The following WFDC8 variants were observed in gnomAD, a reference collection of about 807,000 sequenced individuals.
WFDC8 encodes the protein WAP four-disulfide core domain protein 8.
WFDC8 carries 24 observed loss-of-function variants against 27.0 expected under a neutral mutation model. The ratio of observed to expected loss-of-function variants is 0.89; its 90% CI spans 0.64 to 1.25. WFDC8 has a LOEUF of 1.25. Among genes scored for constraint, WFDC8 ranks in the 50% most tolerant of loss-of-function variants. WFDC8 has a pLI of 0.00. For missense variants in WFDC8, 287 were observed against 295.9 expected, an observed-to-expected ratio of 0.97 and a Z score of 0.22; for synonymous variants, 106 against 99.7, an observed-to-expected ratio of 1.06 and a Z score of -0.38.
intron 1 of WFDC8, among the ~76,000 whole-genome samples, chr20:45,569,047 C>T (rs933419418): frequency 1.3e-5 from 2 of 152,198 alleles, no homozygotes; most frequent in African/African-American, 4.8e-5. Flanking sequence ...TTTATAGTCA[C>T]ATCAGCCTTT....
At chr20:45,579,143 A>G in intron 1 of WFDC8, 79 bp downstream of exon 1, 1 of 1,448,364 alleles carries the variant, frequency 6.9e-7, no homozygotes, top group Non-Finnish European at 9.7e-7. Context: ...GACCACTCTA[A>G]CTTCTATGTA....
intron 2 of WFDC8, 112 bp downstream of exon 2, chr20:45,561,998 C>T: frequency 1.0e-6 from 1 of 978,882 alleles, no homozygotes; most frequent in South Asian, 1.6e-5. Flanking sequence ...TTCTGTGGCC[C>T]CAAATCCACA....
chr20:45,568,878 T>C, intron 1 of WFDC8: 1 of 273,350 alleles, frequency 3.7e-6, no homozygotes, highest in Non-Finnish European at 7.6e-6. Context: ...ATCCATTGTA[T>C]ATCTAGAATT....
At chr20:45,569,760 C>G (rs1272978359) in intron 1 of WFDC8, among the ~76,000 whole-genome samples, 1 of 152,008 alleles carries the variant, frequency 6.6e-6, no homozygotes, top group Non-Finnish European at 1.5e-5. Flanking sequence ...TTCCCCTTCA[C>G]AATAGCAAAG....
intron 4 of WFDC8, among the ~76,000 whole-genome samples, chr20:45,554,963 A>T (rs572091937): frequency 3.3e-5 from 5 of 152,324 alleles, no homozygotes; most frequent in Admixed American, 6.5e-5. Context: ...ACAGTTGTGA[A>T]GATCACTGGT....
intron 1 of WFDC8, among the ~76,000 whole-genome samples, chr20:45,562,851 T>C (rs17433698): frequency 0.15 from 23,334 of 152,234 alleles, 2,334 homozygotes; most frequent in Non-Finnish European, 0.22. Flanking sequence ...ATGATCCTTA[T>C]GTATTTTTTA....
At chr20:45,576,000 C>A (rs940683738) in intron 1 of WFDC8, among the ~76,000 whole-genome samples, 2 of 151,390 alleles carry the variant, frequency 1.3e-5, no homozygotes, top group Non-Finnish European at 3.0e-5. Context: ...GCCCTAAGTT[C>A]AGGCTGAGTA....
intron 1 of WFDC8, chr20:45,567,917 C>T (rs1434042451): frequency 5.2e-6 from 1 of 193,368 alleles, no homozygotes; most frequent in Non-Finnish European, 1.1e-5. Context: ...CCTCAAACTT[C>T]TGGACTCAAG....
intron 2 of WFDC8, 59 bp from the exon 3 acceptor site, chr20:45,559,051 A>G: frequency 1.2e-6 from 2 of 1,601,446 alleles, no homozygotes; most frequent in Non-Finnish European, 8.5e-7. Flanking sequence ...TTTTTCTCCT[A>G]TGGCAAAGGT....
intron 4 of WFDC8, among the ~76,000 whole-genome samples, chr20:45,553,744 G>A (rs1446490256): frequency 6.6e-6 from 1 of 152,162 alleles, no homozygotes; most frequent in Non-Finnish European, 1.5e-5. Flanking sequence ...AGAGGCTGTT[G>A]GGGTAATCCA....
chr20:45,578,020 A>G (rs111449712), intron 1 of WFDC8, among the ~76,000 whole-genome samples: 1 of 58,372 alleles, frequency 1.7e-5, no homozygotes, highest in Non-Finnish European at 4.6e-5. Context: ...CAAAACAAAA[A>G]AAATAAAAAT....
intron 1 of WFDC8, among the ~76,000 whole-genome samples, chr20:45,574,638 T>C (rs761216304): frequency 6.6e-6 from 1 of 151,860 alleles, no homozygotes; most frequent in African/African-American, 2.4e-5. Flanking sequence ...CTACTAAAAA[T>C]ACAAAAAAAA....
intron 2 of WFDC8, among the ~76,000 whole-genome samples, chr20:45,559,534 C>T (rs929017110): frequency 6.6e-6 from 1 of 152,164 alleles, no homozygotes; most frequent in African/African-American, 2.4e-5. Flanking sequence ...GGCTCCAACA[C>T]TAACCAACTA....
At chr20:45,568,803 G>A in intron 1 of WFDC8, 1 of 404,664 alleles carries the variant, frequency 2.5e-6, no homozygotes, top group Non-Finnish European at 5.1e-6. Context: ...TTCACACAAA[G>A]ACATAATAGG....
chr20:45,551,875 A>G lies in WFDC8; in HGVS notation c.*151T>C. ...AAGCCAAATATATCATCACTTTCAG[A>G]TGATGGGATTATATATAAAATCAAA... On this transcript the variant is annotated 3_prime_UTR_variant, in exon 6 of 6. Transcript: ENST00000289953. The G allele has an allele frequency of 1.0e-6, 1 of 960,600 alleles. No individual in the cohort carries two copies. The highest frequency in any genetic ancestry group is 1.5e-6 in the Non-Finnish European group (1 of 671,630). The allele number at this position is 960,600 out of a possible 1,614,324, so 59.5% of individuals were successfully genotyped here.
chr20:45,562,283 A>G (rs1274427131), intron 1 of WFDC8, 64 bp from the exon 2 acceptor site: 3 of 1,388,674 alleles, frequency 2.2e-6, no homozygotes, highest in Non-Finnish European at 3.1e-6. Flanking sequence ...AAGTGTGTGC[A>G]GGGGAACCTT....
At chr20:45,573,292 T>A (rs6073784) in intron 1 of WFDC8, among the ~76,000 whole-genome samples, 21,421 of 152,202 alleles carry the variant, frequency 0.14, 1,940 homozygotes, top group East Asian at 0.32. Context: ...TTGATTTTTT[T>A]AAATATATGC....
chr20:45,565,546 T>G (rs556919204), intron 1 of WFDC8, among the ~76,000 whole-genome samples: 105 of 152,358 alleles, frequency 6.9e-4, no homozygotes, highest in Admixed American at 5.9e-3. Flanking sequence ...ACTTCTTACA[T>G]ATCTCTCACA....
Position 45,567,110 on chromosome 20 carries a change from G to T in WFDC8, c.27-4891C>A, listed in dbSNP as rs76717557. ...TTGATTGGACCTGCAGATGCAGAAC[G>T]TGTGGATATGGAGGGCCAACTGTAA... On this transcript the variant is annotated intron_variant, in intron 1 of 5. Coordinates refer to ENST00000289953, the MANE Select transcript of WFDC8 (RefSeq NM_130896.3). Among the ~76,000 whole-genome samples, 661 of 152,030 alleles carry T rather than the reference G, an allele frequency of 4.3e-3. 5 individuals carry two copies. The highest frequency in any genetic ancestry group is 0.015 in the African/African-American group (632 of 41,476).
Sources: allele counts gnomAD v4.1 joint callset (sites outside exome capture counted in the v4.1 genomes callset), GRCh38; gene constraint gnomAD v4.1.1; transcripts MANE v1.5; gene names NCBI Gene and HGNC (gene_info 2026-07-23, HGNC 2026-07-21).